Variants in UVRAG observed in about 807,000 individuals in gnomAD.
The protein encoded by UVRAG is UV radiation resistance associated.
Under a neutral mutation model 78.0 loss-of-function variants are expected in UVRAG, and 19 were observed. The ratio of observed to expected loss-of-function variants is 0.24; its 90% confidence interval spans 0.17 to 0.36. The LOEUF (loss-of-function observed/expected upper bound fraction) is 0.36, where lower values mean the gene tolerates loss of function less well. Among genes scored for constraint, UVRAG ranks in the 10% least tolerant of loss-of-function variants. UVRAG has a pLI of 1.00. For synonymous variants in UVRAG, 323 were observed against 324.6 expected (o/e 1.00, Z 0.05); for missense variants, 740 against 853.8 (o/e 0.87, Z 1.66).
chr11:76,063,233 A>G (rs75402201), intron 12 of UVRAG, among the ~76,000 whole-genome samples: 2,330 of 152,344 alleles, frequency 0.015, 61 homozygotes, highest in African/African-American at 0.053. Flanking sequence ...TAAGGGAGAC[A>G]CACATGAACC....
chr11:76,012,348 G>A (rs1472236317), intron 11 of UVRAG, among the ~76,000 whole-genome samples: 1 of 151,814 alleles, frequency 6.6e-6, no homozygotes, highest in African/African-American at 2.4e-5. Context: ...GAAAATTGAA[G>A]CTCAGAGAGA....
chr11:76,111,989 A>G (rs1038870466), intron 13 of UVRAG, among the ~76,000 whole-genome samples: 7 of 151,976 alleles, frequency 4.6e-5, no homozygotes, highest in Non-Finnish European at 7.4e-5. Context: ...TAAAATGAAG[A>G]AGGAGGAGGA....
At chr11:75,888,744 A>G (rs1715842897) in intron 4 of UVRAG, 85 bp from the exon 5 acceptor site, 6 of 1,158,082 alleles carry the variant, frequency 5.2e-6, no homozygotes, top group Non-Finnish European at 7.4e-6. Flanking sequence ...ATTGAAGTAG[A>G]TCCTGTTGTA....
At chr11:75,938,763 T>TTAG (rs1948428091) in intron 6 of UVRAG, among the ~76,000 whole-genome samples, 1 of 152,176 alleles carries the variant, frequency 6.6e-6, no homozygotes, top group Non-Finnish European at 1.5e-5. Flanking sequence ...CCTCAGATGA[T>TTAG]TCACTGATCA....
chr11:75,959,064 T>G lies in UVRAG; in HGVS notation c.594-2380T>G, dbSNP rs2135194526. 1.3e-5 allele frequency among the ~76,000 whole-genome samples: 2 copies of G among 152,344 alleles called. 1 individual carries two copies. Among genetic ancestry groups the G allele is most frequent in the Admixed American group, 1.3e-4 (2 of 15,308 alleles). ...ATACATTGTCATCCAGGCTTTGATG[T>G]ACCATTTATAGAACACAGGCAGAGT... On this transcript the variant is annotated intron_variant, in intron 6 of 14. Transcript: ENST00000356136.
At chr11:76,039,744 G>A (rs1178744875) in intron 12 of UVRAG, among the ~76,000 whole-genome samples, 1 of 152,098 alleles carries the variant, frequency 6.6e-6, no homozygotes, top group Non-Finnish European at 1.5e-5. Context: ...ATGTGGGGGT[G>A]GGCACCTGTA....
At chr11:76,014,453 G>A (rs569693913) in intron 11 of UVRAG, among the ~76,000 whole-genome samples, 1 of 152,314 alleles carries the variant, frequency 6.6e-6, no homozygotes, top group South Asian at 2.1e-4. Flanking sequence ...CTGTCTTTAA[G>A]TCCTCATCTT....
chr11:75,882,891 T>TA, intron 4 of UVRAG, among the ~76,000 whole-genome samples: 1 of 152,344 alleles, frequency 6.6e-6, no homozygotes, highest in African/African-American at 2.4e-5. Flanking sequence ...AAACATTTTT[T>TA]AAAAAATCTT....
chr11:75,941,641 A>C (rs1008310476), intron 6 of UVRAG, among the ~76,000 whole-genome samples: 1 of 152,062 alleles, frequency 6.6e-6, no homozygotes, highest in Non-Finnish European at 1.5e-5. Context: ...AGGGATGGTC[A>C]ACCTGTATCA....
intron 6 of UVRAG, among the ~76,000 whole-genome samples, chr11:75,923,474 G>A (rs1259732116): frequency 1.3e-5 from 2 of 152,206 alleles, no homozygotes; most frequent in African/African-American, 2.4e-5. Context: ...GATGATAATA[G>A]CATTTGTCTC....
intron 5 of UVRAG, among the ~76,000 whole-genome samples, chr11:75,899,377 C>T (rs1469874380): frequency 6.6e-6 from 1 of 151,974 alleles, no homozygotes. Flanking sequence ...ACTACCATTG[C>T]CAGTTTTCAT....
intron 14 of UVRAG, among the ~76,000 whole-genome samples, chr11:76,118,204 A>G (rs1397424693): frequency 1.3e-5 from 2 of 152,134 alleles, no homozygotes; most frequent in Non-Finnish European, 2.9e-5. Flanking sequence ...AAATTTTTTT[A>G]TTATAATAGT....
At chr11:76,033,380 C>T (rs779841950) in intron 12 of UVRAG, among the ~76,000 whole-genome samples, 4 of 152,048 alleles carry the variant, frequency 2.6e-5, no homozygotes, top group Admixed American at 6.6e-5. Flanking sequence ...CTAGTAGTCA[C>T]GATATTAATT....
intron 13 of UVRAG, among the ~76,000 whole-genome samples, chr11:76,104,175 A>G (rs1179387316): frequency 6.6e-6 from 1 of 152,212 alleles, no homozygotes; most frequent in Non-Finnish European, 1.5e-5. Flanking sequence ...AGTGGGAATT[A>G]CACCACCTAC....
At chr11:76,005,119 A>G (rs1949905589) in intron 9 of UVRAG, among the ~76,000 whole-genome samples, 1 of 152,120 alleles carries the variant, frequency 6.6e-6, no homozygotes, top group African/African-American at 2.4e-5. Flanking sequence ...CGAGGCAGGC[A>G]GAGCATGCAG....
chr11:75,947,760 T>G (rs1948612058), intron 6 of UVRAG, among the ~76,000 whole-genome samples: 1 of 152,170 alleles, frequency 6.6e-6, no homozygotes, highest in African/African-American at 2.4e-5. Context: ...TAAATAGTGA[T>G]TCTGCCACTT....
At chr11:75,903,904 A>T (rs1193376403) in intron 5 of UVRAG, among the ~76,000 whole-genome samples, 3 of 152,200 alleles carry the variant, frequency 2.0e-5, no homozygotes, top group South Asian at 2.1e-4. Flanking sequence ...TGTAGTTTTA[A>T]TGAAGTTAAG....
At chr11:75,866,376 T>TAAATAAATAAAATA (rs1555077120) in intron 3 of UVRAG, among the ~76,000 whole-genome samples, 9 of 150,238 alleles carry the variant, frequency 6.0e-5, no homozygotes, top group African/African-American at 2.0e-4. Flanking sequence ...AATAAATAAA[T>TAAATAAATAAAATA]AAATAAAATA....
chr11:75,887,421 A>G (rs1456372070), intron 4 of UVRAG, among the ~76,000 whole-genome samples: 1 of 146,748 alleles, frequency 6.8e-6, no homozygotes, highest in Non-Finnish European at 1.5e-5. Context: ...CTGGGATTAC[A>G]GGCTTGAACC....
Sources: allele counts gnomAD v4.1 joint callset (sites outside exome capture counted in the v4.1 genomes callset), GRCh38; gene constraint gnomAD v4.1.1; transcripts MANE v1.5; gene names NCBI Gene and HGNC (gene_info 2026-07-23, HGNC 2026-07-21).